Variants in PLXNA4 observed in about 807,000 individuals in gnomAD.
The protein encoded by PLXNA4 is plexin-A4.
Under a neutral mutation model 191.8 loss-of-function variants are expected in PLXNA4, and 44 were observed. The ratio of observed to expected loss-of-function variants is 0.23; its 90% CI spans 0.18 to 0.29. PLXNA4 has a LOEUF of 0.29. Ranked by LOEUF, PLXNA4 falls within the 10% of genes least tolerant of loss-of-function variation. PLXNA4 has a pLI of 1.00. For missense variants in PLXNA4, 1,800 were observed against 2,488.8 expected (o/e 0.72, Z 5.89); for synonymous variants, 1,082 against 1,009.5 (o/e 1.07, Z -1.36).
intron 1 of PLXNA4, among the ~76,000 whole-genome samples, chr7:132,573,994 G>A (rs1305898123): frequency 6.6e-6 from 1 of 152,180 alleles, no homozygotes; most frequent in Non-Finnish European, 1.5e-5. Context: ...ATGCTCCAGG[G>A]CTGGGCAAGA....
At chr7:132,265,633 C>T (rs992813888) in intron 4 of PLXNA4, among the ~76,000 whole-genome samples, 5 of 152,170 alleles carry the variant, frequency 3.3e-5, no homozygotes, top group African/African-American at 7.2e-5. Flanking sequence ...ATTTATGAAT[C>T]CCTGAATCTC....
At chr7:132,192,651 A>G (rs764828579) in intron 14 of PLXNA4, among the ~76,000 whole-genome samples, 26 of 152,180 alleles carry the variant, frequency 1.7e-4, no homozygotes, top group Non-Finnish European at 3.2e-4. Flanking sequence ...CATAAAATCC[A>G]TCACTTCAGG....
intron 2 of PLXNA4, among the ~76,000 whole-genome samples, chr7:132,503,505 C>T (rs1798337425): frequency 6.6e-6 from 1 of 151,954 alleles, no homozygotes; most frequent in African/African-American, 2.4e-5. Flanking sequence ...AGTGTCAGGT[C>T]CCCCCCAGAG....
At chr7:132,288,028 G>T (rs1350318006) in intron 4 of PLXNA4, among the ~76,000 whole-genome samples, 1 of 152,152 alleles carries the variant, frequency 6.6e-6, no homozygotes, top group African/African-American at 2.4e-5. Context: ...TCAAGATGAT[G>T]GATAGTATCT....
At chr7:132,138,453 A>G (rs1408805764) in intron 30 of PLXNA4, among the ~76,000 whole-genome samples, 1 of 152,188 alleles carries the variant, frequency 6.6e-6, no homozygotes, top group African/African-American at 2.4e-5. Context: ...CCAGGGAGCC[A>G]GGCAAGCTCG....
intron 3 of PLXNA4, among the ~76,000 whole-genome samples, chr7:132,343,932 A>T (rs1042637192): frequency 6.6e-6 from 1 of 152,102 alleles, no homozygotes; most frequent in African/African-American, 2.4e-5. Flanking sequence ...ATAAGTAAAT[A>T]ATTAAGTGCA....
intron 3 of PLXNA4, among the ~76,000 whole-genome samples, chr7:132,376,893 T>TCC (rs1361537592): frequency 6.6e-6 from 1 of 152,194 alleles, no homozygotes; most frequent in African/African-American, 2.4e-5. Flanking sequence ...GCAGGGTTAA[T>TCC]CCTCTCTCTG....
At chr7:132,476,796 T>G (rs567014807) in intron 3 of PLXNA4, among the ~76,000 whole-genome samples, 220 of 152,340 alleles carry the variant, frequency 1.4e-3, no homozygotes, top group African/African-American at 4.9e-3. Context: ...AATTTAATTA[T>G]CCAAGAGACA....
intron 1 of PLXNA4, among the ~76,000 whole-genome samples, chr7:132,556,562 T>G (rs1310215143): frequency 6.6e-6 from 1 of 152,230 alleles, no homozygotes; most frequent in Non-Finnish European, 1.5e-5. Flanking sequence ...CATGGCCAAG[T>G]TGGCATTAAG....
At chr7:132,372,248 G>A (rs1348094257) in intron 3 of PLXNA4, among the ~76,000 whole-genome samples, 3 of 152,218 alleles carry the variant, frequency 2.0e-5, no homozygotes, top group Non-Finnish European at 4.4e-5. Context: ...TCCAAAAGAA[G>A]CAGAAACAAA....
intron 3 of PLXNA4, among the ~76,000 whole-genome samples, chr7:132,433,176 T>A (rs1795336601): frequency 6.6e-6 from 1 of 152,180 alleles, no homozygotes; most frequent in Admixed American, 6.5e-5. Flanking sequence ...TTTACTAGAG[T>A]AAAACTTGGG....
intron 1 of PLXNA4, among the ~76,000 whole-genome samples, chr7:132,569,178 A>G (rs1801864183): frequency 1.3e-5 from 2 of 152,230 alleles, no homozygotes; most frequent in South Asian, 4.1e-4. Context: ...ATTCTGAGAC[A>G]TACTGTTCAC....
intron 1 of PLXNA4, among the ~76,000 whole-genome samples, chr7:132,556,602 C>T (rs1366921050): frequency 6.6e-6 from 1 of 152,230 alleles, no homozygotes. Context: ...CTGTCTGCCT[C>T]CAAAGTCTAT....
In PLXNA4 at chr7:132,317,372, ATTGGATTGAGTTGGG is replaced by A. The variant is rs1485007956; in HGVS notation, c.1372-19165_1372-19151del. On this transcript the variant is annotated intron_variant, in intron 3 of 31. Transcript: ENST00000321063. The stretch of plus-strand genomic sequence containing the variant: ...ATTGGGTTGGGTTGTGTTGGGTTGT[ATTGGATTGAGTTGGG>A]TTGGATTGGGTTGGGTTGGGTTGAA... Among the ~76,000 whole-genome samples the A allele has an allele frequency of 2.1e-5, 3 of 145,658 alleles. No homozygotes were observed. In the East Asian group the frequency reaches 6.3e-4, roughly 31 times the overall value.
chr7:132,164,051 A>G (rs1796024935), intron 24 of PLXNA4, 91 bp downstream of exon 24: 3 of 1,555,938 alleles, frequency 1.9e-6, no homozygotes, highest in Non-Finnish European at 2.6e-6. Context: ...GCAGCTGTTC[A>G]GCCTTTCAGC....
At chr7:132,270,303 G>A (rs1047223111) in intron 4 of PLXNA4, among the ~76,000 whole-genome samples, 2 of 152,168 alleles carry the variant, frequency 1.3e-5, no homozygotes, top group Non-Finnish European at 2.9e-5. Context: ...GAGAGAGGGA[G>A]AGATTCACAG....
At chr7:132,488,233 G>A (rs1028880046) in intron 3 of PLXNA4, among the ~76,000 whole-genome samples, 2 of 152,164 alleles carry the variant, frequency 1.3e-5, no homozygotes, top group Admixed American at 6.5e-5. Context: ...CCACCTGTCC[G>A]CAGAGATGCC....
intron 3 of PLXNA4, among the ~76,000 whole-genome samples, chr7:132,349,857 C>A (rs1242302112): frequency 6.6e-6 from 1 of 152,046 alleles, no homozygotes; most frequent in Non-Finnish European, 1.5e-5. Flanking sequence ...CTCAACCCAT[C>A]ATCACCGTCC....
At chr7:132,322,597 G>T (rs1315629308) in intron 3 of PLXNA4, among the ~76,000 whole-genome samples, 3 of 152,164 alleles carry the variant, frequency 2.0e-5, no homozygotes, top group African/African-American at 7.2e-5. Context: ...ACATCCTGGT[G>T]CAATTTCAAC....
Sources: allele counts gnomAD v4.1 joint callset (sites outside exome capture counted in the v4.1 genomes callset), GRCh38; gene constraint gnomAD v4.1.1; transcripts MANE v1.5; gene names NCBI Gene and HGNC (gene_info 2026-07-23, HGNC 2026-07-21).